Variants in TRERF1 observed in about 807,000 individuals in gnomAD.
TRERF1 encodes transcriptional-regulating factor 1.
A neutral mutation model predicts 122.9 loss-of-function variants in TRERF1; 27 were observed. That is an observed-to-expected ratio of 0.22 (90% CI 0.16 to 0.30). The LOEUF (loss-of-function observed/expected upper bound fraction) is 0.30, where lower values mean the gene tolerates loss of function less well. Ranked by LOEUF, TRERF1 falls within the 10% of genes least tolerant of loss-of-function variation. The pLI, the probability that TRERF1 is intolerant of heterozygous loss-of-function variation, is 1.00. For synonymous variants in TRERF1, 636 were observed against 641.7 expected (o/e 0.99, Z 0.13); for missense variants, 1,248 against 1,560.3 (o/e 0.80, Z 3.37).
At chr6:42,291,158 G>A (rs1022276231) in intron 4 of TRERF1, among the ~76,000 whole-genome samples, 2 of 152,208 alleles carry the variant, frequency 1.3e-5, no homozygotes, top group Non-Finnish European at 2.9e-5. Flanking sequence ...ACATGCAGGG[G>A]ATGAACTTCC....
intron 12 of TRERF1, among the ~76,000 whole-genome samples, chr6:42,255,928 C>T (rs993923387): frequency 2.1e-4 from 32 of 151,802 alleles, no homozygotes; most frequent in Admixed American, 3.9e-4. Context: ...GTCAGGAGTT[C>T]GAGACCAGCC....
At chr6:42,249,975 T>C (rs570186009) in intron 13 of TRERF1, among the ~76,000 whole-genome samples, 38 of 152,336 alleles carry the variant, frequency 2.5e-4, no homozygotes, top group African/African-American at 9.1e-4. Context: ...CTTGGACAGA[T>C]AAATAACATA....
chr6:42,250,992 C>CTTTTTTTTTTTTTTTTTTT (rs70987586), intron 13 of TRERF1, among the ~76,000 whole-genome samples: 1 of 97,596 alleles, frequency 1.0e-5, no homozygotes, highest in Non-Finnish European at 2.0e-5. Flanking sequence ...TCTTTTGCTT[C>CTTTTTTTTTTTTTTTTTTT]TTTTTTTTTT....
chr6:42,258,690 T>C (rs1358474857), intron 9 of TRERF1, among the ~76,000 whole-genome samples: 1 of 152,088 alleles, frequency 6.6e-6, no homozygotes, highest in Non-Finnish European at 1.5e-5. Flanking sequence ...TTCTCCTGCC[T>C]CAGTCTCCTG....
chr6:42,376,676 G>A lies in TRERF1; in HGVS notation c.-453-13597C>T, dbSNP rs1774940721. On this transcript the variant is annotated intron_variant, in intron 2 of 17. Transcript: ENST00000372922. ...TCCTTTCTCAGCCTCCCGAGTAGCT[G>A]GGACTACAGGCACATACCACCACGC... is the stretch of plus-strand genomic sequence containing the variant. Among the ~76,000 whole-genome samples, 4 of 149,940 alleles carry A rather than the reference G, an allele frequency of 2.7e-5. No homozygotes were observed. The Admixed American group carries it at 2.7e-4, about 10-fold the overall frequency.
rs114941687 is a variant in TRERF1, at chr6:42,278,455, T to C, written c.-258-8607A>G. 4.0e-3 allele frequency among the ~76,000 whole-genome samples: 606 copies of C among 152,294 alleles called. 4 individuals carry two copies. The highest frequency in any genetic ancestry group is 0.014 in the African/African-American group (577 of 41,560). On this transcript the variant is annotated intron_variant, in intron 4 of 17. Coordinates refer to ENST00000372922, the Ensembl canonical transcript of TRERF1. ...GATAAAGTCAGCTACAGCCTATGGTTCCAAGGAGAAAGTAGCAGATGCAAA... is the reference window on the plus strand; with the variant it reads ...GATAAAGTCAGCTACAGCCTATGGTCCCAAGGAGAAAGTAGCAGATGCAAA...
intron 2 of TRERF1, among the ~76,000 whole-genome samples, chr6:42,404,664 A>G (rs260285): frequency 0.98 from 148,835 of 152,080 alleles, 72,910 homozygotes; most frequent in Non-Finnish European, 1. Context: ...CTCTCACCCC[A>G]GCAGGATACT....
At chr6:42,236,813 CA>C (rs373462605) in intron 15 of TRERF1, among the ~76,000 whole-genome samples, 58 of 152,304 alleles carry the variant, frequency 3.8e-4, no homozygotes, top group Middle Eastern at 3.4e-3. Flanking sequence ...GGGTTTCCAG[CA>C]ATAACAATAC....
chr6:42,388,830 G>A (rs1157883254), intron 2 of TRERF1, among the ~76,000 whole-genome samples: 1 of 152,228 alleles, frequency 6.6e-6, no homozygotes, highest in East Asian at 1.9e-4. Context: ...TGGCTTCCAT[G>A]CCTCCACCAA....
At chr6:42,299,118 C>CTGTCTGTCTGTCTGTCTGTCTG (rs1561938851) in intron 4 of TRERF1, among the ~76,000 whole-genome samples, 1 of 114,986 alleles carries the variant, frequency 8.7e-6, no homozygotes, top group African/African-American at 3.9e-5. Context: ...CTGTCTGTCT[C>CTGTCTGTCTGTCTGTCTGTCTG]TATCTATCTA....
At chr6:42,238,865 A>ACACACACT (rs1772932299) in intron 15 of TRERF1, among the ~76,000 whole-genome samples, 1 of 150,430 alleles carries the variant, frequency 6.6e-6, no homozygotes, top group Non-Finnish European at 1.5e-5. Context: ...ACACACACAC[A>ACACACACT]CACACAATTT....
At chr6:42,385,493 A>G (rs1426694865) in intron 2 of TRERF1, among the ~76,000 whole-genome samples, 6 of 152,164 alleles carry the variant, frequency 3.9e-5, no homozygotes, top group Admixed American at 6.6e-5. Context: ...GCACTATAAT[A>G]ACCACTGCCA....
intron 2 of TRERF1, among the ~76,000 whole-genome samples, chr6:42,421,121 T>G (rs766606298): frequency 2.6e-5 from 4 of 152,224 alleles, no homozygotes; most frequent in Non-Finnish European, 5.9e-5. Flanking sequence ...TCCTCATCTC[T>G]GTAATGGTAA....
At chr6:42,249,722 C>T (rs1775428550) in intron 13 of TRERF1, among the ~76,000 whole-genome samples, 1 of 152,148 alleles carries the variant, frequency 6.6e-6, no homozygotes, top group Non-Finnish European at 1.5e-5. Context: ...GGAGCACAGT[C>T]TTAAGACAGT....
chr6:42,336,648 A>T (rs1053891543), intron 3 of TRERF1, among the ~76,000 whole-genome samples: 3 of 152,168 alleles, frequency 2.0e-5, no homozygotes. Flanking sequence ...GCAAATGTAG[A>T]TTCATCCTAT....
At chr6:42,440,898 C>T (rs980721562) in intron 2 of TRERF1, among the ~76,000 whole-genome samples, 1 of 152,056 alleles carries the variant, frequency 6.6e-6, no homozygotes, top group Admixed American at 6.6e-5. Flanking sequence ...TTGAATACCC[C>T]AACTCTCAAA....
chr6:42,312,572 T>C (rs1452027987), intron 3 of TRERF1, among the ~76,000 whole-genome samples: 1 of 152,204 alleles, frequency 6.6e-6, no homozygotes, highest in Non-Finnish European at 1.5e-5. Flanking sequence ...AGAGTGGTTA[T>C]GATGGGTCAA....
chr6:42,237,485 A>G (rs1166671612), intron 15 of TRERF1, among the ~76,000 whole-genome samples: 1 of 152,230 alleles, frequency 6.6e-6, no homozygotes, highest in Non-Finnish European at 1.5e-5. Context: ...CACATTTACT[A>G]TGCCACCGAA....
At chr6:42,272,340 G>A (rs1437823407) in intron 4 of TRERF1, among the ~76,000 whole-genome samples, 1 of 152,154 alleles carries the variant, frequency 6.6e-6, no homozygotes, top group Non-Finnish European at 1.5e-5. Flanking sequence ...GAAGGGTGGA[G>A]GAAGGCGAGC....
Sources: allele counts gnomAD v4.1 joint callset (sites outside exome capture counted in the v4.1 genomes callset), GRCh38; gene constraint gnomAD v4.1.1; transcripts MANE v1.5; gene names NCBI Gene and HGNC (gene_info 2026-07-23, HGNC 2026-07-21).